The following GPATCH2L variants were observed in gnomAD, a reference collection of about 807,000 sequenced individuals.
The protein encoded by GPATCH2L is G-patch domain containing 2 like.
In GPATCH2L, 31 loss-of-function variants were observed where a neutral mutation model predicts 57.4. The ratio of observed to expected loss-of-function variants is 0.54; its 90% CI spans 0.41 to 0.73. GPATCH2L has a LOEUF of 0.73. Ranked by LOEUF, GPATCH2L falls within the 30% of genes least tolerant of loss-of-function variation. The pLI is 0.00. For synonymous variants in GPATCH2L, 199 were observed against 210.7 expected (o/e 0.94, Z 0.48); for missense variants, 481 against 599.9 (o/e 0.80, Z 2.07).
chr14:76,227,696 A>G (rs1488597876), intron 1 of GPATCH2L, among the ~76,000 whole-genome samples: 1 of 149,888 alleles, frequency 6.7e-6, no homozygotes, highest in Non-Finnish European at 1.5e-5. Flanking sequence ...CTATACATTT[A>G]TGAATGCATT....
chr14:76,182,968 G>C (rs118047000), intron 8 of GPATCH2L, among the ~76,000 whole-genome samples: 1 of 152,232 alleles, frequency 6.6e-6, no homozygotes, highest in African/African-American at 2.4e-5. Flanking sequence ...AATAATGTCT[G>C]TGTATACTGT....
At chr14:76,176,474 G>T in intron 5 of GPATCH2L, 149 bp from the exon 6 acceptor site, 2 of 625,582 alleles carry the variant, frequency 3.2e-6, no homozygotes, top group Non-Finnish European at 5.8e-6. Context: ...ATAAAAAGAA[G>T]TATAGTTGCT....
At chr14:76,190,515 G>A (rs1210700929) in intron 8 of GPATCH2L, among the ~76,000 whole-genome samples, 5 of 152,088 alleles carry the variant, frequency 3.3e-5, no homozygotes, top group African/African-American at 9.7e-5. Flanking sequence ...CCCAGGTTTC[G>A]CTGGCCTGAG....
rs2040458423 is a variant in GPATCH2L, at chr14:76,212,987, A to G, written c.*11136A>G. 1 of 152,174 alleles carries G rather than the reference A, an allele frequency of 6.6e-6. No homozygotes were observed. Among genetic ancestry groups the G allele is most frequent in the African/African-American group, 2.4e-5 (1 of 41,464 alleles). The allele number at this position is 152,174 out of a possible 1,614,324, so 9.4% of individuals were successfully genotyped here. A position where few individuals can be genotyped will look rare whatever the true frequency, so the allele number is the denominator to read the frequency against. Reference sequence around the variant, plus strand: ...TATAAACTTGTTCCTCTGAGATACAAATAAAACAGTGCTCAGAGGAAAATT... The same window carrying G: ...TATAAACTTGTTCCTCTGAGATACAGATAAAACAGTGCTCAGAGGAAAATT... On this transcript the variant is annotated 3_prime_UTR_variant, in exon 10 of 10. Transcript: ENST00000261530.
chr14:76,196,842 C>T (rs1002218673), intron 9 of GPATCH2L, among the ~76,000 whole-genome samples: 3 of 152,132 alleles, frequency 2.0e-5, no homozygotes, highest in Non-Finnish European at 2.9e-5. Flanking sequence ...GCCCTATCCT[C>T]TACCTTAACT....
chr14:76,205,777 G>T lies in GPATCH2L; in HGVS notation c.*3926G>T, dbSNP rs893528349. ...GGCACAGTCATTGCTGATGCGATGGGTTCTCCACTTTGGCTCCAGGCGAAG... is the reference window on the plus strand; with the variant it reads ...GGCACAGTCATTGCTGATGCGATGGTTTCTCCACTTTGGCTCCAGGCGAAG... On this transcript the variant is annotated 3_prime_UTR_variant, in exon 10 of 10. Transcript: ENST00000261530. The T allele has an allele frequency of 1.3e-5, 2 of 152,314 alleles. No individual in the cohort carries two copies. Among genetic ancestry groups the T allele is most frequent in the African/African-American group, 4.8e-5 (2 of 41,458 alleles). 9.4% of individuals were successfully genotyped at this position (152,314 alleles called of 1,614,324 possible).
chr14:76,152,756 C>A (rs187263482), intron 1 of GPATCH2L: 1 of 455,966 alleles, frequency 2.2e-6, no homozygotes. Flanking sequence ...CAAGTTTGTG[C>A]TGTTCTGCCT....
At chr14:76,216,623 C>T (rs183490930), downstream of GPATCH2L, among the ~76,000 whole-genome samples, 16 of 152,200 alleles carry the variant, frequency 1.1e-4, no homozygotes, top group East Asian at 3.1e-3. Flanking sequence ...GTGTACTCTG[C>T]AGAAAGATTT....
chr14:76,188,834 T>C (rs114236544), intron 8 of GPATCH2L, among the ~76,000 whole-genome samples: 31,114 of 151,972 alleles, frequency 0.2, 3,481 homozygotes, highest in African/African-American at 0.3. Context: ...TTTCATAGTT[T>C]GAGATTTCAG....
chr14:76,205,769 T>A lies in GPATCH2L; in HGVS notation c.*3918T>A, dbSNP rs547241464. The A allele has an allele frequency of 6.6e-6, 1 of 152,454 alleles. No homozygotes were observed. Among genetic ancestry groups the A allele is most frequent in the Non-Finnish European group, 1.5e-5 (1 of 68,064 alleles). The allele number at this position is 152,454 out of a possible 1,614,324, so 9.4% of individuals were successfully genotyped here. On this transcript the variant is annotated 3_prime_UTR_variant, in exon 10 of 10. Transcript: ENST00000261530. Reference sequence around the variant, plus strand: ...ACTAGGCTGGCACAGTCATTGCTGATGCGATGGGTTCTCCACTTTGGCTCC... The same window carrying A: ...ACTAGGCTGGCACAGTCATTGCTGAAGCGATGGGTTCTCCACTTTGGCTCC...
At chr14:76,199,328 A>G (rs1340769199) in intron 9 of GPATCH2L, among the ~76,000 whole-genome samples, 1 of 152,162 alleles carries the variant, frequency 6.6e-6, no homozygotes, top group Non-Finnish European at 1.5e-5. Flanking sequence ...TCTTCAAGCA[A>G]TACATTGTCC....
chr14:76,216,546 G>A (rs2040490678), downstream of GPATCH2L, among the ~76,000 whole-genome samples: 2 of 151,524 alleles, frequency 1.3e-5, no homozygotes, highest in Admixed American at 1.3e-4. Flanking sequence ...TCATTCAGGG[G>A]AAATAGAATG....
chr14:76,182,090 G>A (rs2039580193), intron 8 of GPATCH2L, among the ~76,000 whole-genome samples: 2 of 152,160 alleles, frequency 1.3e-5, no homozygotes, highest in Admixed American at 1.3e-4. Flanking sequence ...GGGCGCGGTG[G>A]CTCACGCCTG....
At chr14:76,227,914 C>T (rs1009961442) in intron 1 of GPATCH2L, among the ~76,000 whole-genome samples, 2 of 152,198 alleles carry the variant, frequency 1.3e-5, no homozygotes, top group Admixed American at 6.5e-5. Flanking sequence ...AGGCAGAGGG[C>T]TCAGTCCCTG....
chr14:76,163,754 T>A (rs868702158), intron 2 of GPATCH2L, among the ~76,000 whole-genome samples: 1 of 152,162 alleles, frequency 6.6e-6, no homozygotes, highest in Non-Finnish European at 1.5e-5. Flanking sequence ...ATTTTACATG[T>A]AGGGAAACAG....
intron 3 of GPATCH2L, among the ~76,000 whole-genome samples, chr14:76,169,131 C>T (rs1473650046): frequency 1.3e-5 from 2 of 152,184 alleles, no homozygotes; most frequent in Non-Finnish European, 2.9e-5. Flanking sequence ...TACATCTCTG[C>T]AATGACCCCA....
intron 1 of GPATCH2L, among the ~76,000 whole-genome samples, chr14:76,224,263 G>A (rs1018202086): frequency 6.6e-6 from 1 of 152,194 alleles, no homozygotes; most frequent in African/African-American, 2.4e-5. Flanking sequence ...CTGCTAGTAG[G>A]TATGAGGTTT....
chr14:76,180,946 A>G, intron 8 of GPATCH2L, 97 bp downstream of exon 8: 1 of 745,826 alleles, frequency 1.3e-6, no homozygotes, highest in Non-Finnish European at 2.4e-6. Context: ...TACAGTATCC[A>G]ATTTGATCCT....
intron 1 of GPATCH2L, among the ~76,000 whole-genome samples, chr14:76,224,810 C>T (rs118026021): frequency 0.017 from 2,649 of 152,104 alleles, 46 homozygotes; most frequent in Non-Finnish European, 0.026. Flanking sequence ...ACTGGATTCA[C>T]GTTTACTCTA....
Sources: gnomAD v4.1 joint callset for allele counts (sites outside exome capture counted in the v4.1 genomes callset) on GRCh38, gnomAD v4.1.1 for gene constraint, MANE v1.5 for transcripts, NCBI Gene and HGNC (gene_info 2026-07-23, HGNC 2026-07-21) for gene names.